DTWD2: variants seen among roughly 807,000 people sequenced by gnomAD.
The protein encoded by DTWD2 is tRNA-uridine aminocarboxypropyltransferase 2.
A neutral mutation model predicts 31.8 loss-of-function variants in DTWD2; 39 were observed. The observed-to-expected ratio is 1.22, with a 90% CI of 0.95 to 1.60. The LOEUF (loss-of-function observed/expected upper bound fraction) is 1.60. Among genes scored for constraint, DTWD2 ranks in the 40% most tolerant of loss-of-function variants. The probability of loss-of-function intolerance (pLI) is 0.00; values close to 1 mark genes in which losing one functional copy is unlikely to be tolerated. For synonymous variants in DTWD2, 180 were observed against 142.8 expected, an observed-to-expected ratio of 1.26 and a Z score of -1.86; for missense variants, 515 against 381.5, an observed-to-expected ratio of 1.35 and a Z score of -2.92.
At chr5:118,868,922 T>TA (rs1391128015) in intron 4 of DTWD2, among the ~76,000 whole-genome samples, 3 of 151,274 alleles carry the variant, frequency 2.0e-5, no homozygotes, top group Non-Finnish European at 2.9e-5. Flanking sequence ...TGGAGAACAT[T>TA]ACGCTAAGCA....
chr5:118,889,153 T>C (rs915526273), intron 4 of DTWD2, among the ~76,000 whole-genome samples: 3 of 152,192 alleles, frequency 2.0e-5, no homozygotes, highest in Non-Finnish European at 4.4e-5. Context: ...GGTGAAATCA[T>C]AGACAAACCC....
At chr5:118,972,028 T>C (rs771047956) in intron 1 of DTWD2, among the ~76,000 whole-genome samples, 2 of 152,084 alleles carry the variant, frequency 1.3e-5, no homozygotes, top group Non-Finnish European at 2.9e-5. Flanking sequence ...TAGTAAGATC[T>C]CAAATCAACA....
At chr5:118,948,717 T>C (rs1435642957) in intron 1 of DTWD2, among the ~76,000 whole-genome samples, 1 of 152,154 alleles carries the variant, frequency 6.6e-6, no homozygotes, top group East Asian at 1.9e-4. Flanking sequence ...AGCCCTGCAC[T>C]TCGGCTGTGT....
chr5:118,934,747 G>A (rs932481909), intron 3 of DTWD2, among the ~76,000 whole-genome samples: 9 of 152,194 alleles, frequency 5.9e-5, no homozygotes, highest in African/African-American at 2.2e-4. Flanking sequence ...CTACATCCAG[G>A]AAAATGAAAT....
chr5:118,838,583 G>C lies in DTWD2; in HGVS notation c.*2334C>G, dbSNP rs1751629442. 6.6e-6 allele frequency: 1 copy of C among 152,102 alleles called. No individual in the cohort carries two copies. Among genetic ancestry groups the C allele is most frequent in the Non-Finnish European group, 1.5e-5 (1 of 68,002 alleles). The allele number at this position is 152,102 out of a possible 1,614,324, so 9.4% of individuals were successfully genotyped here. On this transcript the variant is annotated 3_prime_UTR_variant, in exon 6 of 6. Coordinates refer to ENST00000510708, the MANE Select transcript of DTWD2 (RefSeq NM_173666.4). ...TGTTTAATGAGAACAGGTGACTAGA[G>C]AAGCATTTTATACCACAGATGATTA...
At chr5:118,988,258 G>A in intron 1 of DTWD2, 36 bp downstream of exon 1, 6 of 1,530,294 alleles carry the variant, frequency 3.9e-6, no homozygotes, top group South Asian at 1.2e-5. Context: ...GAAGGCCGCT[G>A]CCGGCTGCAG....
At chr5:118,927,594 G>C (rs558744960) in intron 4 of DTWD2, among the ~76,000 whole-genome samples, 13 of 152,136 alleles carry the variant, frequency 8.5e-5, no homozygotes, top group African/African-American at 3.1e-4. Flanking sequence ...AATTATTTAA[G>C]ACTGTATATA....
chr5:118,943,873 T>C (rs1754266164), intron 2 of DTWD2, among the ~76,000 whole-genome samples: 1 of 152,262 alleles, frequency 6.6e-6, no homozygotes, highest in African/African-American at 2.4e-5. Context: ...AAAGCTTGAC[T>C]GCGTCTATGA....
intron 4 of DTWD2, among the ~76,000 whole-genome samples, chr5:118,902,195 C>CTTG (rs1753227597): frequency 6.6e-6 from 1 of 152,032 alleles, no homozygotes; most frequent in African/African-American, 2.4e-5. Flanking sequence ...TGGAAAGCTA[C>CTTG]AAATGTGCTA....
chr5:118,841,183 T>A lies in DTWD2; in HGVS notation c.727-96A>T. On this transcript the variant is annotated intron_variant, in intron 5 of 5. Coordinates refer to ENST00000510708, the MANE Select transcript of DTWD2 (RefSeq NM_173666.4). The stretch of plus-strand genomic sequence containing the variant: ...CAGAAATAGGAGTTACTATGTTTCT[T>A]TTATTATGATTGGCTTTTAACTATG... The A allele has an allele frequency of 3.6e-6, 5 of 1,384,492 alleles. 1 individual carries two copies. The South Asian group carries it at 7.0e-5, about 19-fold the overall frequency. The allele number at this position is 1,384,492 out of a possible 1,614,324, so 85.8% of individuals were successfully genotyped here. A position where few individuals can be genotyped will look rare whatever the true frequency, so the allele number is the denominator to read the frequency against.
In DTWD2 at chr5:118,840,806, G is replaced by T; in HGVS notation, c.*111C>A. On this transcript the variant is annotated 3_prime_UTR_variant, in exon 6 of 6. Transcript: ENST00000510708. Reference sequence around the variant, plus strand: ...TCCTTCTTCTGGGTAAGATTAGTATGCAATTCTCCTTCTTTAGCAAGTCAA... The same window carrying T: ...TCCTTCTTCTGGGTAAGATTAGTATTCAATTCTCCTTCTTTAGCAAGTCAA... 1 of 1,102,248 alleles carries T rather than the reference G, an allele frequency of 9.1e-7. No homozygotes were observed. 68.3% of individuals were successfully genotyped at this position (1,102,248 alleles called of 1,614,324 possible). A position where few individuals can be genotyped will look rare whatever the true frequency, so the allele number is the denominator to read the frequency against.
intron 4 of DTWD2, among the ~76,000 whole-genome samples, chr5:118,914,420 C>A (rs1291213935): frequency 6.6e-5 from 10 of 152,216 alleles, no homozygotes; most frequent in Admixed American, 3.3e-4. Flanking sequence ...GCCAGAACAC[C>A]CAGTCTGTGG....
intron 1 of DTWD2, among the ~76,000 whole-genome samples, chr5:118,975,018 C>A (rs941995417): frequency 6.6e-6 from 1 of 151,992 alleles, no homozygotes; most frequent in Non-Finnish European, 1.5e-5. Context: ...TTGCTCTTCT[C>A]AAGGAGTATC....
intron 1 of DTWD2, among the ~76,000 whole-genome samples, chr5:118,946,753 CA>C (rs1290715669): frequency 1.3e-5 from 2 of 149,474 alleles, no homozygotes; most frequent in African/African-American, 4.9e-5. Context: ...AACAAACAAA[CA>C]AAAAAAAACA....
intron 5 of DTWD2, among the ~76,000 whole-genome samples, chr5:118,845,508 A>C (rs1414540773): frequency 1.3e-5 from 2 of 152,238 alleles, no homozygotes; most frequent in African/African-American, 4.8e-5. Context: ...CTGTAATAAT[A>C]AGCAACTTGA....
intron 1 of DTWD2, among the ~76,000 whole-genome samples, chr5:118,979,302 C>A (rs1288227457): frequency 6.6e-6 from 1 of 151,424 alleles, no homozygotes; most frequent in African/African-American, 2.4e-5. Flanking sequence ...AGAGTCCATC[C>A]CCAAAAAAAT....
At chr5:118,857,878 T>A (rs980501448) in intron 4 of DTWD2, among the ~76,000 whole-genome samples, 2 of 152,326 alleles carry the variant, frequency 1.3e-5, no homozygotes, top group South Asian at 2.1e-4. Flanking sequence ...AAAGTGGTTG[T>A]GCAACTGGAC....
chr5:118,972,373 A>C lies in DTWD2; in HGVS notation c.218+15921T>G, dbSNP rs564968736. On this transcript the variant is annotated intron_variant, in intron 1 of 5. Coordinates refer to ENST00000510708, the MANE Select transcript of DTWD2 (RefSeq NM_173666.4). ...ATGCACATAAACTAGAAAATCTAGG[A>C]GAAATGGATAAATTCCTAGACACAT... 2.9e-4 allele frequency among the ~76,000 whole-genome samples: 44 copies of C among 152,352 alleles called. 1 individual carries two copies. The South Asian group carries it at 6.6e-3, about 23-fold the overall frequency.
intron 4 of DTWD2, among the ~76,000 whole-genome samples, chr5:118,868,073 C>G (rs757788545): frequency 1.3e-5 from 2 of 151,990 alleles, no homozygotes; most frequent in African/African-American, 4.8e-5. Flanking sequence ...CTGATTAAAA[C>G]CAATGAAACA....
Sources: allele counts gnomAD v4.1 joint callset (sites outside exome capture counted in the v4.1 genomes callset), GRCh38; gene constraint gnomAD v4.1.1; transcripts MANE v1.5; gene names NCBI Gene and HGNC (gene_info 2026-07-23, HGNC 2026-07-21).